The following CAPS2 variants were observed in gnomAD, a reference collection of about 807,000 sequenced individuals.
CAPS2 encodes the protein calcyphosin-2.
In CAPS2, 98 loss-of-function variants were observed where a neutral mutation model predicts 86.5. The ratio of observed to expected loss-of-function variants is 1.13; its 90% CI spans 0.96 to 1.34. The LOEUF (loss-of-function observed/expected upper bound fraction) is 1.34, where lower values mean the gene tolerates loss of function less well. Ranked by LOEUF, CAPS2 falls within the 40% of genes most tolerant of loss-of-function variation. The pLI, the probability that CAPS2 is intolerant of heterozygous loss-of-function variation, is 0.00. For synonymous variants in CAPS2, 210 were observed against 225.1 expected (o/e 0.93, Z 0.60); for missense variants, 729 against 686.8 (o/e 1.06, Z -0.69).
intron 1 of CAPS2, among the ~76,000 whole-genome samples, chr12:75,388,188 C>T (rs2045388596): frequency 1.3e-5 from 2 of 152,148 alleles, no homozygotes; most frequent in Non-Finnish European, 1.5e-5. Context: ...AGTAGTTCCC[C>T]TGCACATGGT....
At chr12:75,331,677 C>T (rs1311651807), upstream of CAPS2, among the ~76,000 whole-genome samples, 2 of 151,058 alleles carry the variant, frequency 1.3e-5, no homozygotes, top group Non-Finnish European at 3.0e-5. Context: ...CATTCTCCTG[C>T]CTCAGCCTCC....
chr12:75,287,414 G>A lies in CAPS2; in HGVS notation c.1395+2207C>T, dbSNP rs73187197. On this transcript the variant is annotated intron_variant, in intron 14 of 16. Transcript: ENST00000393284. ...AAGGGGTCCTGCCCCCACCATGGAGGAAGGAATGCTGCTCAGAGGCCAAGA... is the reference window on the plus strand; with the variant it reads ...AAGGGGTCCTGCCCCCACCATGGAGAAAGGAATGCTGCTCAGAGGCCAAGA... 4.7e-3 allele frequency among the ~76,000 whole-genome samples: 709 copies of A among 152,186 alleles called. 6 individuals are homozygous for A. Among genetic ancestry groups the A allele is most frequent in the South Asian group, 0.012 (60 of 4,814 alleles).
rs1479846236 is a variant in CAPS2, at chr12:75,326,441, A to C, written c.58T>G (p.Phe20Val). The C allele has an allele frequency of 7.2e-6, 11 of 1,519,378 alleles. No individual in the cohort carries two copies. In the East Asian group the frequency reaches 2.2e-4, roughly 31 times the overall value. 94.1% of individuals were successfully genotyped at this position (1,519,378 alleles called of 1,614,324 possible). ...ACTTGTAGAGGCTTCTTTCTTCCAA[A>C]GAATGGCTGAATTTGGCTCCTAGAA... Residue 20 changes from phenylalanine to valine, a missense_variant, in exon 1 of 17, where the codon TTT (phenylalanine) becomes GTT (valine). Coordinates refer to ENST00000393284, the Ensembl canonical transcript of CAPS2.
Position 75,322,102 on chromosome 12 carries a change from A to C in CAPS2, c.292-526T>G, listed in dbSNP as rs74645747. Among the ~76,000 whole-genome samples the C allele has an allele frequency of 7.1e-3, 1,079 of 152,246 alleles. 8 individuals are homozygous for C. Among genetic ancestry groups the C allele is most frequent in the African/African-American group, 0.025 (1,024 of 41,556 alleles). ...AAATGTCCTCATTTGAATTTGCATT[A>C]AGGAAATAAAAGTTTTACTTAAAAA... On this transcript the variant is annotated intron_variant, in intron 4 of 16. Coordinates refer to ENST00000393284, the Ensembl canonical transcript of CAPS2.
chr12:75,345,091 T>C (rs1392823572), intron 1 of CAPS2, among the ~76,000 whole-genome samples: 1 of 152,106 alleles, frequency 6.6e-6, no homozygotes, highest in Non-Finnish European at 1.5e-5. Context: ...TCCTAGTGTG[T>C]CACTGTACAA....
chr12:75,310,469 C>A (rs1186711511), intron 7 of CAPS2, among the ~76,000 whole-genome samples: 1 of 152,096 alleles, frequency 6.6e-6, no homozygotes, highest in Non-Finnish European at 1.5e-5. Context: ...GGAATGGAAC[C>A]TGGTATGTTC....
intron 1 of CAPS2, among the ~76,000 whole-genome samples, chr12:75,381,614 G>GTTTTTTT: frequency 1.1e-5 from 1 of 87,914 alleles, no homozygotes; most frequent in Non-Finnish European, 2.1e-5. Flanking sequence ...TTTCTTAAGT[G>GTTTTTTT]TTTTTTTTTT....
At chr12:75,295,339 G>T (rs1007364680) in intron 11 of CAPS2, among the ~76,000 whole-genome samples, 1 of 152,118 alleles carries the variant, frequency 6.6e-6, no homozygotes, top group African/African-American at 2.4e-5. Context: ...AGCCTTTTGG[G>T]AAACCAGCTA....
exon 17 of CAPS2, chr12:75,278,579 T>C (rs1270181300): frequency 1.9e-6 from 2 of 1,026,202 alleles, no homozygotes; most frequent in African/African-American, 1.7e-5. Context: ...CCTACTGAAG[T>C]TAATAAAAAA....
chr12:75,338,594 T>C (rs1438189037), intron 1 of CAPS2, among the ~76,000 whole-genome samples: 1 of 152,172 alleles, frequency 6.6e-6, no homozygotes, highest in Non-Finnish European at 1.5e-5. Context: ...AAAGTTATTT[T>C]TTTTTTCAGT....
intron 1 of CAPS2, among the ~76,000 whole-genome samples, chr12:75,336,508 T>C (rs2041748832): frequency 6.6e-6 from 1 of 151,748 alleles, no homozygotes; most frequent in Admixed American, 6.6e-5. Flanking sequence ...ATAGAATAGC[T>C]ATATTTATGG....
chr12:75,296,949 A>G (rs934860846), intron 11 of CAPS2, among the ~76,000 whole-genome samples: 2 of 152,234 alleles, frequency 1.3e-5, no homozygotes, highest in East Asian at 1.9e-4. Context: ...CAATGCTACA[A>G]TGTGAACCTC....
intron 1 of CAPS2, chr12:75,363,124 C>G (rs746233058): frequency 6.4e-7 from 1 of 1,558,578 alleles, no homozygotes; most frequent in East Asian, 2.4e-5. Flanking sequence ...AAATATGCCT[C>G]CTTACGTAAG....
chr12:75,340,357 T>A (rs1441878028), intron 1 of CAPS2, among the ~76,000 whole-genome samples: 2 of 151,784 alleles, frequency 1.3e-5, no homozygotes, highest in Non-Finnish European at 2.9e-5. Context: ...GCAAGGATAG[T>A]CTATTCAAGA....
chr12:75,320,713 T>G (rs561126736), intron 5 of CAPS2, among the ~76,000 whole-genome samples: 1 of 152,066 alleles, frequency 6.6e-6, no homozygotes, highest in Non-Finnish European at 1.5e-5. Flanking sequence ...TATAGAAAGT[T>G]AACTGAATTA....
intron 14 of CAPS2, among the ~76,000 whole-genome samples, chr12:75,288,171 ATTG>A (rs1208956342): frequency 6.6e-6 from 1 of 152,156 alleles, no homozygotes; most frequent in African/African-American, 2.4e-5. Flanking sequence ...CTGTTTTGTT[ATTG>A]TTGTTGTTGT....
exon 17 of CAPS2, chr12:75,278,910 G>C (rs148352401): frequency 1.3e-6 from 2 of 1,587,808 alleles, no homozygotes; most frequent in East Asian, 2.3e-5. Flanking sequence ...CATGGAGTAC[G>C]TAAGATGTTA....
chr12:75,296,836 G>C (rs1362557004), intron 11 of CAPS2, among the ~76,000 whole-genome samples: 1 of 152,202 alleles, frequency 6.6e-6, no homozygotes, highest in African/African-American at 2.4e-5. Flanking sequence ...AGGAACAAGA[G>C]GTGGAAGAGT....
At chr12:75,289,557 C>T in intron 14 of CAPS2, 64 bp downstream of exon 14, 2 of 1,397,846 alleles carry the variant, frequency 1.4e-6, no homozygotes, top group African/African-American at 1.4e-5. Context: ...TTCAGTAGAA[C>T]AGTGAATAAT....
Sources: allele counts gnomAD v4.1 joint callset (sites outside exome capture counted in the v4.1 genomes callset), GRCh38; gene constraint gnomAD v4.1.1; transcripts MANE v1.5; gene names NCBI Gene and HGNC (gene_info 2026-07-23, HGNC 2026-07-21).